Variants in COL28A1 observed in about 807,000 individuals in gnomAD.
COL28A1 encodes collagen alpha-1(XXVIII) chain.
COL28A1 carries 161 observed loss-of-function variants against 150.2 expected under a neutral mutation model. The ratio of observed to expected loss-of-function variants is 1.07; its 90% confidence interval spans 0.94 to 1.22. COL28A1 has a LOEUF of 1.22. Among genes scored for constraint, COL28A1 ranks in the 50% most tolerant of loss-of-function variants. The pLI, the probability that COL28A1 is intolerant of heterozygous loss-of-function variation, is 0.00. For missense variants in COL28A1, 1,617 were observed against 1,388.3 expected (o/e 1.16, Z -2.62); for synonymous variants, 552 against 469.7 (o/e 1.18, Z -2.26).
chr7:7,352,637 G>T (rs1483017354), downstream of COL28A1, among the ~76,000 whole-genome samples: 1 of 152,172 alleles, frequency 6.6e-6, no homozygotes, highest in Non-Finnish European at 1.5e-5. Context: ...TGTTGGAAAA[G>T]ACAAGGAAAT....
the COL28A1 span, among the ~76,000 whole-genome samples, chr7:7,345,881 C>T: frequency 6.6e-6 from 1 of 151,984 alleles, no homozygotes; most frequent in East Asian, 1.9e-4. Context: ...AGATTCTTAG[C>T]TCCTTGGTTG....
rs1347365295 is a variant in COL28A1 at position 7,511,168 on chromosome 7, A to G, written c.883-33T>C. 3 of 1,507,082 alleles carry G rather than the reference A, an allele frequency of 2.0e-6. No individual in the cohort carries two copies. The Admixed American group carries it at 5.1e-5, about 25-fold the overall frequency. The allele number at this position is 1,507,082 out of a possible 1,614,324, so 93.4% of individuals were successfully genotyped here. On this transcript the variant is annotated intron_variant, in intron 8 of 34. Coordinates refer to ENST00000399429, the MANE Select transcript of COL28A1 (RefSeq NM_001037763.3). Reference sequence around the variant, plus strand: ...ATAAATAAGTGAAATAAATAAGAGAACACTTGCAGTCATTCACTATTAAGA... The same window carrying G: ...ATAAATAAGTGAAATAAATAAGAGAGCACTTGCAGTCATTCACTATTAAGA...
At chr7:7,403,807 T>C (rs1239928810) in intron 27 of COL28A1, among the ~76,000 whole-genome samples, 3 of 152,214 alleles carry the variant, frequency 2.0e-5, no homozygotes, top group Non-Finnish European at 4.4e-5. Flanking sequence ...CAATAGCTTA[T>C]AATTTAGTGG....
intron 17 of COL28A1, among the ~76,000 whole-genome samples, chr7:7,452,842 C>T (rs1406773272): frequency 1.3e-5 from 2 of 152,180 alleles, no homozygotes; most frequent in African/African-American, 4.8e-5. Flanking sequence ...CAGCTTCTCA[C>T]ACGGACAGCT....
chr7:7,492,430 A>AG (rs907298556), intron 11 of COL28A1, among the ~76,000 whole-genome samples: 32 of 151,282 alleles, frequency 2.1e-4, no homozygotes, highest in Non-Finnish European at 3.8e-4. Context: ...AAAAAAAAAA[A>AG]AAAAATTAGC....
intron 13 of COL28A1, 36 bp downstream of exon 13, chr7:7,489,353 G>A (rs746427573): frequency 2.2e-6 from 2 of 903,514 alleles, no homozygotes; most frequent in African/African-American, 3.2e-5. Flanking sequence ...AACTATATTT[G>A]TCCTTTTCAT....
intron 23 of COL28A1, among the ~76,000 whole-genome samples, chr7:7,435,003 C>A (rs949480230): frequency 6.6e-6 from 1 of 151,950 alleles, no homozygotes. Flanking sequence ...TGTGTATGAC[C>A]CTCCCAAAAC....
At chr7:7,471,738 C>T (rs56177814) in intron 15 of COL28A1, among the ~76,000 whole-genome samples, 17,623 of 151,898 alleles carry the variant, frequency 0.12, 1,104 homozygotes, top group Middle Eastern at 0.21. Flanking sequence ...CTACTAAAAA[C>T]ATAAAAATTA....
intron 33 of COL28A1, among the ~76,000 whole-genome samples, chr7:7,369,572 A>G (rs1035766192): frequency 7.2e-5 from 11 of 152,184 alleles, no homozygotes; most frequent in Admixed American, 3.3e-4. Context: ...TATTGCCCTG[A>G]CTGGAATTAC....
chr7:7,520,841 A>T (rs1310974576), intron 5 of COL28A1, among the ~76,000 whole-genome samples: 3 of 152,214 alleles, frequency 2.0e-5, no homozygotes, highest in Non-Finnish European at 4.4e-5. Flanking sequence ...TCTTGGTGTC[A>T]TAGAGATAAA....
chr7:7,379,083 G>A (rs1371618277), intron 30 of COL28A1, among the ~76,000 whole-genome samples: 1 of 152,168 alleles, frequency 6.6e-6, no homozygotes. Context: ...CCAGAGTGTG[G>A]CATAGAGGAA....
chr7:7,517,889 T>C (rs776672716), intron 6 of COL28A1, 52 bp from the exon 7 acceptor site: 7 of 1,611,246 alleles, frequency 4.3e-6, no homozygotes, highest in African/African-American at 1.3e-5. Flanking sequence ...GAGTGACTGA[T>C]TGCTCAATAA....
chr7:7,521,222 A>T (rs778963675), intron 5 of COL28A1, among the ~76,000 whole-genome samples: 2 of 152,178 alleles, frequency 1.3e-5, no homozygotes, highest in Non-Finnish European at 2.9e-5. Flanking sequence ...GATAAATGTT[A>T]AAAAAATGCT....
At chr7:7,389,773 T>C (rs1782423461) in intron 27 of COL28A1, among the ~76,000 whole-genome samples, 1 of 152,164 alleles carries the variant, frequency 6.6e-6, no homozygotes, top group Non-Finnish European at 1.5e-5. Flanking sequence ...TGAATGGGAG[T>C]TCACTCATGA....
chr7:7,536,407 T>A (rs574334019), upstream of COL28A1, among the ~76,000 whole-genome samples: 9 of 152,196 alleles, frequency 5.9e-5, no homozygotes, highest in Non-Finnish European at 8.8e-5. Flanking sequence ...GGGGCTTCAG[T>A]TCCCCACTTA....
intron 27 of COL28A1, among the ~76,000 whole-genome samples, chr7:7,399,735 C>A (rs1356453135): frequency 2.0e-5 from 3 of 152,182 alleles, no homozygotes; most frequent in Non-Finnish European, 4.4e-5. Context: ...ATTCTCTGGG[C>A]CTGGAATCTG....
chr7:7,465,130 G>T (rs559234684), intron 15 of COL28A1, among the ~76,000 whole-genome samples: 2 of 150,926 alleles, frequency 1.3e-5, no homozygotes, highest in South Asian at 4.2e-4. Context: ...GAACAGCTCC[G>T]GTCTACAGCT....
chr7:7,540,077 A>G (rs1400172407), upstream of COL28A1, among the ~76,000 whole-genome samples: 5 of 152,298 alleles, frequency 3.3e-5, no homozygotes, highest in East Asian at 3.9e-4. Context: ...AAAATAAATC[A>G]AGGTGCCATC....
At chr7:7,490,714 T>C (rs1779870406) in intron 11 of COL28A1, 68 bp from the exon 12 acceptor site, 2 of 765,438 alleles carry the variant, frequency 2.6e-6, no homozygotes, top group South Asian at 1.6e-5. Context: ...AAGCAGCTTT[T>C]AGATGTATGG....
Sources: allele counts gnomAD v4.1 joint callset (sites outside exome capture counted in the v4.1 genomes callset), GRCh38; gene constraint gnomAD v4.1.1; transcripts MANE v1.5; gene names NCBI Gene and HGNC (gene_info 2026-07-23, HGNC 2026-07-21).